CA12: variants seen among roughly 807,000 people sequenced by gnomAD.
CA12 encodes carbonate dehydratase XII.
A neutral mutation model predicts 46.8 loss-of-function variants in CA12; 36 were observed. The ratio of observed to expected loss-of-function variants is 0.77; its 90% CI spans 0.59 to 1.02. The LOEUF is 1.02. Among genes scored for constraint, CA12 ranks in the 50% least tolerant of loss-of-function variants. The probability of loss-of-function intolerance (pLI) is 0.00; values close to 1 mark genes in which losing one functional copy is unlikely to be tolerated. For synonymous variants in CA12, 202 were observed against 187.0 expected (o/e 1.08, Z -0.65); for missense variants, 436 against 451.4 (o/e 0.97, Z 0.31).
At position 63,327,109 on chromosome 15, in the gene CA12, C is replaced by T. The variant is rs906435253; in HGVS notation, c.992+40G>A. On this transcript the variant is annotated intron_variant, in intron 10 of 10. Coordinates refer to ENST00000178638, the MANE Select transcript of CA12 (RefSeq NM_001218.5). The surrounding 1 kb of genome is among the most constrained non-coding windows in gnomAD (Gnocchi z 4.5). Reference sequence around the variant, plus strand: ...CCAGGCAGACTAATCATCATGGACACATAGCTGTCCATTCCCATTTTGGAC... The same window carrying T: ...CCAGGCAGACTAATCATCATGGACATATAGCTGTCCATTCCCATTTTGGAC... 6.6e-7 allele frequency: 1 copy of T among 1,507,744 alleles called. No homozygotes were observed. Among genetic ancestry groups the T allele is most frequent in the Non-Finnish European group, 9.2e-7 (1 of 1,083,252 alleles). 93.4% of individuals were successfully genotyped at this position (1,507,744 alleles called of 1,614,324 possible). A position where few individuals can be genotyped will look rare whatever the true frequency, so the allele number is the denominator to read the frequency against.
rs572280971 is a variant in CA12, at chr15:63,339,848, G to A, written c.747+440C>T. Among the ~76,000 whole-genome samples, 2 of 152,268 alleles carry A rather than the reference G, an allele frequency of 1.3e-5. No individual in the cohort carries two copies. The highest frequency in any genetic ancestry group is 4.8e-5 in the African/African-American group (2 of 41,546). On this transcript the variant is annotated intron_variant, in intron 7 of 10. Coordinates refer to ENST00000178638, the MANE Select transcript of CA12 (RefSeq NM_001218.5). This position sits in a 1 kb window ranked among gnomAD's most constrained non-coding sequence, Gnocchi z 4.3. ...CAAATAAGAAGCTTTAGAGGTGATGGCTAAGGATTTTGTTCCCCAGTTTGC... is the reference window on the plus strand; with the variant it reads ...CAAATAAGAAGCTTTAGAGGTGATGACTAAGGATTTTGTTCCCCAGTTTGC...
Position 63,372,743 on chromosome 15 carries a change from C to T in CA12, c.106+2915G>A, listed in dbSNP as rs2039523107. On this transcript the variant is annotated intron_variant, in intron 2 of 10. Coordinates refer to ENST00000178638, the MANE Select transcript of CA12 (RefSeq NM_001218.5). This position sits in a 1 kb window ranked among gnomAD's most constrained non-coding sequence, Gnocchi z 4.5. ...AGCCAGGACCTAAGGAGGAGCTAGC[C>T]AAGACCTCAGGAGGAGTTTGCCTCC... Among the ~76,000 whole-genome samples, 1 of 152,200 alleles carries T rather than the reference C, an allele frequency of 6.6e-6. No individual in the cohort carries two copies. Among genetic ancestry groups the T allele is most frequent in the African/African-American group, 2.4e-5 (1 of 41,446 alleles).
chr15:63,366,981 G>T (rs1011121900), intron 2 of CA12, among the ~76,000 whole-genome samples: 2 of 152,176 alleles, frequency 1.3e-5, no homozygotes, highest in Admixed American at 6.5e-5. Flanking sequence ...GAGTGCAGTG[G>T]TATGATCTTG....
Position 63,328,912 on chromosome 15 carries a change from G to T in CA12, c.875-782C>A, listed in dbSNP as rs2038902317. 2.0e-5 allele frequency among the ~76,000 whole-genome samples: 3 copies of T among 152,162 alleles called. No individual in the cohort carries two copies. The highest frequency in any genetic ancestry group is 4.4e-5 in the Non-Finnish European group (3 of 68,028). ...GATGGGGTTTTGCCATGTTGACCAG[G>T]CTGGTCTCGAACTCCTGATCTCAAG... is the stretch of plus-strand genomic sequence containing the variant. On this transcript the variant is annotated intron_variant, in intron 8 of 10. Transcript: ENST00000178638. This position sits in a 1 kb window ranked among gnomAD's most constrained non-coding sequence, Gnocchi z 5.9.
chr15:63,326,674 A>ACC (rs543792837), intron 10 of CA12, among the ~76,000 whole-genome samples: 7 of 150,038 alleles, frequency 4.7e-5, no homozygotes, highest in African/African-American at 1.7e-4. Flanking sequence ...TATTTTTCAT[A>ACC]CCCCCCCCAA....
Position 63,328,274 on chromosome 15 carries a change from C to G in CA12, c.875-144G>C. On this transcript the variant is annotated intron_variant, in intron 8 of 10. Transcript: ENST00000178638. The surrounding 1 kb of genome is among the most constrained non-coding windows in gnomAD (Gnocchi z 5.9). ...TGTCCACCCTTGGCTCAGGGATTGCCTGATGAAGTACAGGAAATTGCCCAT... is the reference window on the plus strand; with the variant it reads ...TGTCCACCCTTGGCTCAGGGATTGCGTGATGAAGTACAGGAAATTGCCCAT... 1 of 749,194 alleles carries G rather than the reference C, an allele frequency of 1.3e-6. No homozygotes were observed. Among genetic ancestry groups the G allele is most frequent in the Admixed American group, 2.0e-5 (1 of 50,048 alleles). 46.4% of individuals were successfully genotyped at this position (749,194 alleles called of 1,614,324 possible). A position where few individuals can be genotyped will look rare whatever the true frequency, so the allele number is the denominator to read the frequency against.
chr15:63,353,727 T>A (rs1165474332), intron 2 of CA12, among the ~76,000 whole-genome samples: 4 of 152,072 alleles, frequency 2.6e-5, no homozygotes, highest in African/African-American at 4.8e-5. Context: ...GCCATTTTTT[T>A]AAAGAGATGG....
intron 8 of CA12, among the ~76,000 whole-genome samples, chr15:63,332,448 CGTTGCTCTGAA>C (rs2038948702): frequency 6.6e-6 from 1 of 152,230 alleles, no homozygotes; most frequent in Non-Finnish European, 1.5e-5. Context: ...GCAGACAGCA[CGTTGCTCTGAA>C]GGGCCTAAAT....
At chr15:63,381,500 C>T (rs2039644494) in intron 1 of CA12, 136 bp downstream of exon 1, 1 of 757,870 alleles carries the variant, frequency 1.3e-6, no homozygotes, top group African/African-American at 1.8e-5. Flanking sequence ...AGCATCCTTT[C>T]TTGAGAATCT....
At position 63,328,441 on chromosome 15, in the gene CA12, A is replaced by G. The variant is rs530553527; in HGVS notation, c.875-311T>C. 1.3e-5 allele frequency among the ~76,000 whole-genome samples: 2 copies of G among 151,830 alleles called. No homozygotes were observed. The highest frequency in any genetic ancestry group is 2.9e-5 in the Non-Finnish European group (2 of 67,920). On this transcript the variant is annotated intron_variant, in intron 8 of 10. Coordinates refer to ENST00000178638, the MANE Select transcript of CA12 (RefSeq NM_001218.5). The surrounding 1 kb of genome is among the most constrained non-coding windows in gnomAD (Gnocchi z 5.9). ...AACCTCCGCCTCCTGGGTTCAAGCAATTCTCTGCCTCAGTCTCCCAAGTAG... is the reference window on the plus strand; with the variant it reads ...AACCTCCGCCTCCTGGGTTCAAGCAGTTCTCTGCCTCAGTCTCCCAAGTAG...
intron 1 of CA12, among the ~76,000 whole-genome samples, chr15:63,377,156 C>T (rs1038937366): frequency 2.0e-5 from 3 of 152,148 alleles, no homozygotes; most frequent in Admixed American, 6.5e-5. Flanking sequence ...CCCTGCCTGC[C>T]GGCCTTCCTC....
Position 63,323,565 on chromosome 15 carries a change from C to T in CA12, c.*2720G>A, listed in dbSNP as rs1127203. On this transcript the variant is annotated 3_prime_UTR_variant, in exon 11 of 11. Transcript: ENST00000178638. The surrounding 1 kb of genome is among the most constrained non-coding windows in gnomAD (Gnocchi z 5.1). ...AAACATTTATAATTTCTTGTAGTTA[C>T]AGTGTGTATCTTCATTATAATCATT... The T allele has an allele frequency of 0.13, 19,730 of 151,820 alleles. 1,389 individuals carry two copies. Among genetic ancestry groups the T allele is most frequent in the East Asian group, 0.18 (944 of 5,158 alleles). The allele number at this position is 151,820 out of a possible 1,614,324, so 9.4% of individuals were successfully genotyped here. A position where few individuals can be genotyped will look rare whatever the true frequency, so the allele number is the denominator to read the frequency against.
chr15:63,375,763 G>T, intron 1 of CA12, 85 bp from the exon 2 acceptor site: 3 of 965,148 alleles, frequency 3.1e-6, no homozygotes, highest in South Asian at 1.5e-5. Flanking sequence ...TGATATGAGC[G>T]AAATTGAAAA....
chr15:63,355,597 A>G lies in CA12; in HGVS notation c.107-8888T>C, dbSNP rs1048349050. 6.6e-6 allele frequency among the ~76,000 whole-genome samples: 1 copy of G among 152,166 alleles called. No individual in the cohort carries two copies. Among genetic ancestry groups the G allele is most frequent in the Non-Finnish European group, 1.5e-5 (1 of 68,028 alleles). ...CAGCTCGCTTTCTGCATGCGTGTAC[A>G]CCTGGCTCCTGCTGCAGAGCCTGGC... On this transcript the variant is annotated intron_variant, in intron 2 of 10. Transcript: ENST00000178638. This position sits in a 1 kb window ranked among gnomAD's most constrained non-coding sequence, Gnocchi z 4.1.
At chr15:63,333,480 C>T (rs995506326) in intron 8 of CA12, among the ~76,000 whole-genome samples, 9 of 152,228 alleles carry the variant, frequency 5.9e-5, no homozygotes, top group African/African-American at 2.2e-4. Context: ...GACCAATGCT[C>T]CTGACTGTTC....
chr15:63,370,791 A>G (rs2039494157), intron 2 of CA12, among the ~76,000 whole-genome samples: 1 of 152,052 alleles, frequency 6.6e-6, no homozygotes, highest in South Asian at 2.1e-4. Context: ...AAAGAAAAAA[A>G]AGAAAAAAGA....
Position 63,339,057 on chromosome 15 carries a change from T to A in CA12, c.748-112A>T. The stretch of plus-strand genomic sequence containing the variant: ...CTGGGAGAAGCCTCTGGAACCAGCT[T>A]CTGTGGGGCCGGGTGGGAGATATTA... On this transcript the variant is annotated intron_variant, in intron 7 of 10. Transcript: ENST00000178638. This position sits in a 1 kb window ranked among gnomAD's most constrained non-coding sequence, Gnocchi z 4.3. 1 of 1,352,426 alleles carries A rather than the reference T, an allele frequency of 7.4e-7. No homozygotes were observed. Among genetic ancestry groups the A allele is most frequent in the South Asian group, 1.2e-5 (1 of 81,186 alleles). 83.8% of individuals were successfully genotyped at this position (1,352,426 alleles called of 1,614,324 possible). A position where few individuals can be genotyped will look rare whatever the true frequency, so the allele number is the denominator to read the frequency against.
At chr15:63,363,632 A>C (rs1440875173) in intron 2 of CA12, among the ~76,000 whole-genome samples, 1 of 152,244 alleles carries the variant, frequency 6.6e-6, no homozygotes, top group Non-Finnish European at 1.5e-5. Flanking sequence ...TAAACAATTC[A>C]GCAGTGATAA....
At chr15:63,350,998 A>G (rs905559068) in intron 2 of CA12, among the ~76,000 whole-genome samples, 2 of 152,240 alleles carry the variant, frequency 1.3e-5, no homozygotes, top group Admixed American at 6.5e-5. Context: ...GTTAAGAATT[A>G]ATACCTTAAG....
Sources: gnomAD v4.1 joint callset for allele counts (sites outside exome capture counted in the v4.1 genomes callset) on GRCh38, gnomAD v4.1.1 for gene constraint, Gnocchi (gnomAD v3.1) non-coding constraint, MANE v1.5 for transcripts, NCBI Gene and HGNC (gene_info 2026-07-23, HGNC 2026-07-21) for gene names.